The following PCDH15 variants were observed in gnomAD, a reference collection of about 807,000 sequenced individuals.
PCDH15 encodes the protein protocadherin-15.
PCDH15 carries 129 observed loss-of-function variants against 178.5 expected under a neutral mutation model. That is an observed-to-expected ratio of 0.72 (90% confidence interval 0.63 to 0.84). The LOEUF (loss-of-function observed/expected upper bound fraction) is 0.84, where lower values mean the gene tolerates loss of function less well. PCDH15 is among the 40% of genes least tolerant of loss of function. The probability of loss-of-function intolerance (pLI) is 0.00; values close to 1 mark genes in which losing one functional copy is unlikely to be tolerated. For synonymous variants in PCDH15, 800 were observed against 732.0 expected (o/e 1.09, Z -1.50); for missense variants, 2,230 against 2,099.9 (o/e 1.06, Z -1.21).
At chr10:54,706,332 T>C (rs2095364418) in intron 1 of PCDH15, among the ~76,000 whole-genome samples, 1 of 152,196 alleles carries the variant, frequency 6.6e-6, no homozygotes, top group South Asian at 2.1e-4. Flanking sequence ...AGAAAAGTAC[T>C]GTTAGAAATC....
chr10:55,359,477 C>G (rs1401242348), intron 2 of PCDH15, among the ~76,000 whole-genome samples: 1 of 151,500 alleles, frequency 6.6e-6, no homozygotes, highest in Non-Finnish European at 1.5e-5. Context: ...AATTCATGTA[C>G]ACTATTGGTG....
At chr10:54,146,583 A>C (rs1322712990) in intron 14 of PCDH15, among the ~76,000 whole-genome samples, 1 of 151,748 alleles carries the variant, frequency 6.6e-6, no homozygotes, top group African/African-American at 2.4e-5. Flanking sequence ...ATGCTTATCA[A>C]AGTCTCAAAA....
At chr10:55,217,489 A>T (rs2243569) in intron 1 of PCDH15, among the ~76,000 whole-genome samples, 14 of 151,874 alleles carry the variant, frequency 9.2e-5, no homozygotes, top group East Asian at 1.9e-4. Flanking sequence ...AAAATGAAAG[A>T]TTCTATTATT....
intron 1 of PCDH15, among the ~76,000 whole-genome samples, chr10:54,752,284 G>A (rs1946343602): frequency 6.6e-6 from 1 of 151,294 alleles, no homozygotes; most frequent in Admixed American, 6.6e-5. Flanking sequence ...AGACCATCCT[G>A]GCTAACATGG....
chr10:54,853,442 T>TATATATACACATACACAC (rs1432766605), intron 3 of PCDH15, among the ~76,000 whole-genome samples: 1 of 81,020 alleles, frequency 1.2e-5, no homozygotes, highest in Non-Finnish European at 2.9e-5. Context: ...CACATACACA[T>TATATATACACATACACAC]ATATATATAT....
intron 31 of PCDH15, among the ~76,000 whole-genome samples, chr10:53,828,172 C>G (rs1564555271): frequency 5.3e-5 from 7 of 131,256 alleles, no homozygotes; most frequent in Admixed American, 1.8e-4. Flanking sequence ...CGCCATTGCA[C>G]TCCATCCTGG....
chr10:55,234,902 TATA>T (rs1005512022), intron 1 of PCDH15, among the ~76,000 whole-genome samples: 2 of 146,136 alleles, frequency 1.4e-5, no homozygotes, highest in Admixed American at 6.8e-5. Flanking sequence ...GATCAAAGTA[TATA>T]TTATTATTTT....
chr10:54,200,262 G>A (rs943661950), intron 10 of PCDH15, among the ~76,000 whole-genome samples: 2 of 139,390 alleles, frequency 1.4e-5, no homozygotes, highest in South Asian at 4.6e-4. Flanking sequence ...TGCATCTACA[G>A]AGCCCACTTT....
chr10:54,555,779 G>T (rs1482824615), intron 2 of PCDH15, among the ~76,000 whole-genome samples: 1 of 137,586 alleles, frequency 7.3e-6, no homozygotes, highest in African/African-American at 2.6e-5. Context: ...AAAGAAAAAG[G>T]AAAAAAAAGA....
In PCDH15 at chr10:54,665,845, C is replaced by T. The variant is rs530545053; in HGVS notation, c.-28-1555G>A. 2.6e-5 allele frequency among the ~76,000 whole-genome samples: 4 copies of T among 151,990 alleles called. No homozygotes were observed. In the South Asian group the frequency reaches 8.3e-4, roughly 32 times the overall value. On this transcript the variant is annotated intron_variant, in intron 1 of 37. Transcript: ENST00000644397. ...GGGACAGAAAGCCCAAAGAAGAGCT[C>T]ATTATTAGATGCCAAGAGATCATCA...
intron 1 of PCDH15, among the ~76,000 whole-genome samples, chr10:54,794,127 A>ATATATATATATCT (rs1355725698): frequency 6.9e-6 from 1 of 145,878 alleles, no homozygotes; most frequent in Non-Finnish European, 1.5e-5. Context: ...TATATATAAG[A>ATATATATATATCT]TATATATATA....
intron 2 of PCDH15, among the ~76,000 whole-genome samples, chr10:54,982,857 T>A (rs2131906539): frequency 6.6e-6 from 1 of 152,268 alleles, no homozygotes; most frequent in East Asian, 1.9e-4. Context: ...AATTATGTAC[T>A]ACACATTGGC....
intron 2 of PCDH15, among the ~76,000 whole-genome samples, chr10:55,096,045 A>G (rs1842442690): frequency 6.6e-6 from 1 of 152,192 alleles, no homozygotes; most frequent in East Asian, 1.9e-4. Flanking sequence ...ATATTTAGCA[A>G]TCTCCCCAGT....
chr10:54,121,950 A>C (rs535237615), intron 15 of PCDH15, among the ~76,000 whole-genome samples: 2 of 151,470 alleles, frequency 1.3e-5, no homozygotes, highest in South Asian at 4.2e-4. Flanking sequence ...GTGATTCCTA[A>C]CTGATTCTAT....
At chr10:55,069,635 C>A (rs1405876489) in intron 2 of PCDH15, among the ~76,000 whole-genome samples, 6 of 143,906 alleles carry the variant, frequency 4.2e-5, no homozygotes, top group Admixed American at 3.5e-4. Flanking sequence ...GCATAGTATT[C>A]CATGGTGTAT....
chr10:54,763,123 A>C (rs1948091936), intron 1 of PCDH15, among the ~76,000 whole-genome samples: 1 of 152,144 alleles, frequency 6.6e-6, no homozygotes, highest in Non-Finnish European at 1.5e-5. Flanking sequence ...CATTTTGAGG[A>C]TGAACCCACC....
At chr10:54,936,027 C>T (rs1479821864) in intron 2 of PCDH15, among the ~76,000 whole-genome samples, 1 of 152,026 alleles carries the variant, frequency 6.6e-6, no homozygotes, top group Non-Finnish European at 1.5e-5. Flanking sequence ...CCATACCCAT[C>T]AATTGTCACT....
intron 25 of PCDH15, among the ~76,000 whole-genome samples, chr10:53,912,960 C>CA (rs1564751456): frequency 6.6e-6 from 1 of 151,934 alleles, no homozygotes; most frequent in Non-Finnish European, 1.5e-5. Context: ...TCATATGGAA[C>CA]AAAAAAAGAG....
chr10:54,635,458 A>T (rs1225514587), intron 2 of PCDH15, among the ~76,000 whole-genome samples: 1 of 151,684 alleles, frequency 6.6e-6, no homozygotes, highest in Non-Finnish European at 1.5e-5. Flanking sequence ...ACCAAAATTT[A>T]CCTATTTTAT....
Sources: gnomAD v4.1 joint callset for allele counts (sites outside exome capture counted in the v4.1 genomes callset) on GRCh38, gnomAD v4.1.1 for gene constraint, MANE v1.5 for transcripts, NCBI Gene and HGNC (gene_info 2026-07-23, HGNC 2026-07-21) for gene names.